Variants in MAOB observed in about 807,000 individuals in gnomAD.
MAOB encodes monoamine oxidase B, also known as amine oxidase [flavin-containing] B.
A neutral mutation model predicts 41.9 loss-of-function variants in MAOB; 15 were observed. The observed-to-expected ratio is 0.36, with a 90% CI of 0.24 to 0.55. The LOEUF is 0.55. Among genes scored for constraint, MAOB ranks in the 20% least tolerant of loss-of-function variants. MAOB has a pLI of 0.86. For missense variants in MAOB, 345 were observed against 398.7 expected (o/e 0.87, Z 1.15); for synonymous variants, 167 against 144.2 (o/e 1.16, Z -1.13).
intron 3 of MAOB, among the ~76,000 whole-genome samples, chrX:43,831,062 C>T (rs1454401274): frequency 1.8e-5 from 2 of 109,470 alleles, no homozygotes; most frequent in Non-Finnish European, 3.8e-5. Context: ...AATTCTGCAG[C>T]ACAATAATAC....
chrX:43,857,110 TATATATAGAGAGAGAGAGAG>T (rs1478217246), intron 1 of MAOB, among the ~76,000 whole-genome samples: 307 of 19,734 alleles, frequency 0.016, 1 homozygote, highest in Non-Finnish European at 0.02. Context: ...TATATATATA[TATATATAGAGAGAGAGAGAG>T]AGAGAGAGAG....
intron 3 of MAOB, among the ~76,000 whole-genome samples, chrX:43,837,191 G>T (rs1023080665): frequency 2.1e-4 from 23 of 111,614 alleles, no homozygotes; most frequent in Non-Finnish European, 7.5e-5. Context: ...ATAAGAAATC[G>T]GTCAAGAAAA....
At position 43,806,897 on chromosome X, in the gene MAOB, T is replaced by C. The variant is rs367680950; in HGVS notation, c.280-3493A>G. ...TCCTTCAGGTCGGCTCCTGAGTCCCTTTGACATGTCCCCATCCTTTTGTCT... is the reference window on the plus strand; with the variant it reads ...TCCTTCAGGTCGGCTCCTGAGTCCCCTTGACATGTCCCCATCCTTTTGTCT... On this transcript the variant is annotated intron_variant, in intron 3 of 14. Coordinates refer to ENST00000378069, the MANE Select transcript of MAOB (RefSeq NM_000898.5). Among the ~76,000 whole-genome samples the C allele has an allele frequency of 3.6e-5, 4 of 111,649 alleles. No homozygotes were observed. The East Asian group carries it at 1.1e-3, about 32-fold the overall frequency.
intron 12 of MAOB, among the ~76,000 whole-genome samples, chrX:43,773,766 C>A (rs1395469606): frequency 8.0e-5 from 9 of 111,887 alleles, no homozygotes; most frequent in Non-Finnish European, 1.1e-4. Flanking sequence ...TCTTTGCCTG[C>A]TGCCATCGAC....
intron 1 of MAOB, among the ~76,000 whole-genome samples, chrX:43,875,104 T>C (rs867699617): frequency 8.9e-6 from 1 of 112,001 alleles, no homozygotes; most frequent in Middle Eastern, 4.2e-3. Flanking sequence ...TGGATCCATT[T>C]TGTGAGCATG....
rs779487914 is a variant in MAOB, at chrX:43,781,431, C to T, written c.1025+17G>A. 13 of 1,067,120 alleles carry T rather than the reference C, an allele frequency of 1.2e-5. No homozygotes were observed. The highest frequency in any genetic ancestry group is 5.1e-5 in the Admixed American group (2 of 39,516). The allele number at this position is 1,067,120 out of a possible 1,213,427, so 87.9% of individuals were successfully genotyped here. ...TCAACACTGAATAGCAGCCACAACACCATAATTGTGCCTTACCCCATTATG... is the reference window on the plus strand; with the variant it reads ...TCAACACTGAATAGCAGCCACAACATCATAATTGTGCCTTACCCCATTATG... On this transcript the variant is annotated intron_variant, in intron 9 of 14. Transcript: ENST00000378069.
chrX:43,806,759 C>A lies in MAOB; in HGVS notation c.280-3355G>T, dbSNP rs1033574958. Among the ~76,000 whole-genome samples, 7 of 111,933 alleles carry A rather than the reference C, an allele frequency of 6.3e-5. No individual in the cohort carries two copies. The East Asian group carries it at 2.0e-3, about 32-fold the overall frequency. Reference sequence around the variant, plus strand: ...TTTTCCTCTTTTCCCCTTTTACTTGCTTATTCATTCATTTATTTATAACAG... The same window carrying A: ...TTTTCCTCTTTTCCCCTTTTACTTGATTATTCATTCATTTATTTATAACAG... On this transcript the variant is annotated intron_variant, in intron 3 of 14. Coordinates refer to ENST00000378069, the MANE Select transcript of MAOB (RefSeq NM_000898.5).
intron 2 of MAOB, among the ~76,000 whole-genome samples, chrX:43,840,450 A>AATTATAAAG (rs1224698599): frequency 8.9e-6 from 1 of 111,759 alleles, no homozygotes; most frequent in Non-Finnish European, 1.9e-5. Context: ...GGACAAATTC[A>AATTATAAAG]ATTATAAAGG....
intron 1 of MAOB, among the ~76,000 whole-genome samples, chrX:43,846,805 C>A (rs988121411): frequency 1.8e-5 from 2 of 111,551 alleles, no homozygotes; most frequent in Non-Finnish European, 3.8e-5. Context: ...AGTTATTTCC[C>A]AAGAGTTCTT....
At chrX:43,768,976 G>T (rs774604792) in intron 13 of MAOB, among the ~76,000 whole-genome samples, 24 of 111,799 alleles carry the variant, frequency 2.1e-4, no homozygotes, top group Admixed American at 3.8e-4. Flanking sequence ...GGAACTGTCA[G>T]AAAATCTTTC....
chrX:43,810,348 C>T (rs1348217945), intron 3 of MAOB, among the ~76,000 whole-genome samples: 2 of 109,498 alleles, frequency 1.8e-5, no homozygotes, highest in African/African-American at 3.3e-5. Context: ...GAACAAGATC[C>T]GCAAAATGTA....
rs187215519 is a variant in MAOB at position 43,821,963 on chromosome X, T to C, written c.279+16905A>G. Among the ~76,000 whole-genome samples the C allele has an allele frequency of 5.3e-5, 6 of 112,336 alleles. No homozygotes were observed. In the East Asian group the frequency reaches 1.4e-3, roughly 26 times the overall value. Reference sequence around the variant, plus strand: ...CATTAAATTACATGCCCAAGGTCCATGGTAAAGTTATTGAAGCCCCAGGAG... The same window carrying C: ...CATTAAATTACATGCCCAAGGTCCACGGTAAAGTTATTGAAGCCCCAGGAG... On this transcript the variant is annotated intron_variant, in intron 3 of 14. Coordinates refer to ENST00000378069, the MANE Select transcript of MAOB (RefSeq NM_000898.5).
chrX:43,783,768 G>A (rs2034365685), intron 8 of MAOB, among the ~76,000 whole-genome samples: 1 of 111,671 alleles, frequency 9.0e-6, no homozygotes, highest in Admixed American at 9.5e-5. Flanking sequence ...AACGAAGTTT[G>A]CCACATCAAT....
chrX:43,791,524 G>T (rs373802518), intron 8 of MAOB, among the ~76,000 whole-genome samples: 4 of 111,713 alleles, frequency 3.6e-5, no homozygotes, highest in Non-Finnish European at 7.5e-5. Context: ...TTGGGAGGCC[G>T]AGGCAGGTGG....
At chrX:43,798,618 G>A (rs3027453) in intron 5 of MAOB, among the ~76,000 whole-genome samples, 20 of 111,433 alleles carry the variant, frequency 1.8e-4, no homozygotes, top group African/African-American at 5.2e-4. Flanking sequence ...ATCTAGCACA[G>A]CATAAAATTC....
intron 5 of MAOB, among the ~76,000 whole-genome samples, chrX:43,799,357 T>A (rs190412750): frequency 2.9e-4 from 32 of 112,221 alleles, no homozygotes; most frequent in Admixed American, 9.5e-4. Flanking sequence ...ATTTGTTGCT[T>A]CCTAAAATCC....
intron 1 of MAOB, among the ~76,000 whole-genome samples, chrX:43,862,126 C>T (rs1289469696): frequency 1.8e-5 from 2 of 112,034 alleles, no homozygotes; most frequent in Middle Eastern, 4.2e-3. Context: ...TCACCCCTTA[C>T]ACCCACAGTT....
chrX:43,826,390 A>G (rs929330855), intron 3 of MAOB, among the ~76,000 whole-genome samples: 6 of 112,094 alleles, frequency 5.4e-5, no homozygotes, highest in African/African-American at 2.0e-4. Context: ...ACATACGGGT[A>G]AAGACCCATT....
intron 11 of MAOB, among the ~76,000 whole-genome samples, chrX:43,778,040 C>A (rs2034281336): frequency 9.0e-6 from 1 of 110,956 alleles, no homozygotes. Flanking sequence ...TAGAGTTCTA[C>A]TTGATTCATT....
Sources: gnomAD v4.1 joint callset for allele counts (sites outside exome capture counted in the v4.1 genomes callset) on GRCh38, gnomAD v4.1.1 for gene constraint, MANE v1.5 for transcripts, NCBI Gene and HGNC (gene_info 2026-07-23, HGNC 2026-07-21) for gene names.